LGR4: variants seen among roughly 807,000 people sequenced by gnomAD.
LGR4 encodes the protein leucine rich repeat containing G protein-coupled receptor 4.
Under a neutral mutation model 84.8 loss-of-function variants are expected in LGR4, and 44 were observed. The observed-to-expected ratio is 0.52, with a 90% CI of 0.41 to 0.67. The LOEUF (loss-of-function observed/expected upper bound fraction) is 0.67, where lower values mean the gene tolerates loss of function less well. LGR4 is among the 30% of genes least tolerant of loss of function. LGR4 has a pLI of 0.00. For missense variants in LGR4, 1,032 were observed against 1,131.4 expected (o/e 0.91, Z 1.26); for synonymous variants, 429 against 434.3 (o/e 0.99, Z 0.15).
chr11:27,373,428 A>G, intron 15 of LGR4, 123 bp downstream of exon 15: 1 of 920,570 alleles, frequency 1.1e-6, no homozygotes, highest in Non-Finnish European at 1.6e-6. Context: ...AGACTGACGT[A>G]GAAAACACCC....
At chr11:27,424,318 T>C (rs1340458149) in intron 1 of LGR4, among the ~76,000 whole-genome samples, 1 of 152,036 alleles carries the variant, frequency 6.6e-6, no homozygotes, top group Non-Finnish European at 1.5e-5. Context: ...GGAAGGAAGA[T>C]TGCTTGAGCC....
Position 27,380,654 on chromosome 11 carries a change from A to C in LGR4, c.888T>G (p.Ser296=). The stretch of plus-strand genomic sequence containing the variant: ...CACATACTTACAGGGAATGAAGATC[A>C]GATAAATTGTGAAATGCTGAGTTCC... The part of the protein sequence containing the change: ...FVGNSAFHNL[S]DLHSLVIRGA... The change falls in exon 9 of 18, where the codon TCT becomes TCG. Residue 296 remains serine (S), a synonymous_variant. Transcript: ENST00000379214. 3.2e-6 allele frequency: 5 copies of C among 1,580,756 alleles called. No homozygotes were observed. The highest frequency in any genetic ancestry group is 4.3e-6 in the Non-Finnish European group (5 of 1,151,418).
Position 27,368,877 on chromosome 11 carries a change from T to C in LGR4, c.1846A>G (p.Ser616Gly), listed in dbSNP as rs748467080. 15 of 1,614,078 alleles carry C rather than the reference T, an allele frequency of 9.3e-6. No homozygotes were observed. The highest frequency in any genetic ancestry group is 1.2e-5 in the Non-Finnish European group (14 of 1,180,046). ...AGAAACCCAGCTACTTTGCAGCCAC[T>C]GCCAGTTTCCCACCAAATGCCAAAT... ...AEFGIWWETG[S>G]GCKVAGFLAV... The change falls in exon 18 of 18, where the codon AGT becomes GGT. Residue 616 changes from serine to glycine, a missense_variant. Physicochemically the swap from Ser to Gly is moderately conservative, Grantham distance 56 (BLOSUM62 0). Transcript: ENST00000379214.
chr11:27,378,637 G>A, intron 11 of LGR4, 60 bp downstream of exon 11: 1 of 1,132,392 alleles, frequency 8.8e-7, no homozygotes, highest in East Asian at 2.4e-5. Flanking sequence ...AAATAAAATT[G>A]AACATGTGTG....
chr11:27,377,939 T>A (rs1565071422), intron 11 of LGR4, among the ~76,000 whole-genome samples: 1 of 152,170 alleles, frequency 6.6e-6, no homozygotes, highest in Non-Finnish European at 1.5e-5. Flanking sequence ...TATACAAATA[T>A]TTACTATTAT....
At chr11:27,419,481 A>G (rs983197720) in intron 1 of LGR4, among the ~76,000 whole-genome samples, 9 of 151,724 alleles carry the variant, frequency 5.9e-5, no homozygotes, top group African/African-American at 1.9e-4. Flanking sequence ...AAGATGGTAC[A>G]ACCACTTTGG....
Position 27,367,638 on chromosome 11 carries a change from T to C in LGR4, c.*229A>G, listed in dbSNP as rs1862792135. ...AGATCCTTTTCAAGTCATATATTTG[T>C]TTCAAACAGATCATACATTGCTTGG... On this transcript the variant is annotated 3_prime_UTR_variant, in exon 18 of 18. Transcript: ENST00000379214. The C allele has an allele frequency of 2.4e-6, 1 of 422,524 alleles. No homozygotes were observed. The allele number at this position is 422,524 out of a possible 1,614,324, so 26.2% of individuals were successfully genotyped here. A position where few individuals can be genotyped will look rare whatever the true frequency, so the allele number is the denominator to read the frequency against.
At chr11:27,457,359 C>G (rs1864592817) in intron 1 of LGR4, among the ~76,000 whole-genome samples, 1 of 152,182 alleles carries the variant, frequency 6.6e-6, no homozygotes, top group South Asian at 2.1e-4. Flanking sequence ...AGGGTAATTT[C>G]TACAGGAGTC....
At chr11:27,397,587 T>C (rs2169849) in intron 2 of LGR4, among the ~76,000 whole-genome samples, 63,603 of 152,080 alleles carry the variant, frequency 0.42, 14,040 homozygotes, top group African/African-American at 0.52. Context: ...CAACTTTTCT[T>C]ATTTCATTTC....
intron 16 of LGR4, 108 bp from the exon 17 acceptor site, chr11:27,371,806 G>A (rs1268005336): frequency 1.4e-6 from 1 of 740,446 alleles, no homozygotes; most frequent in Non-Finnish European, 2.2e-6. Flanking sequence ...CCTTATAGAA[G>A]GTTCAATAAC....
rs191696255 is a variant in LGR4, at chr11:27,413,083, T to C, written c.186-223A>G. 9.5e-4 allele frequency among the ~76,000 whole-genome samples: 145 copies of C among 152,284 alleles called. 2 individuals are homozygous for C. The highest frequency in any genetic ancestry group is 7.4e-5 in the Non-Finnish European group (5 of 68,010). ...ATAATTTAGAAATGTACTCAGATCC[T>C]GTATTTTCCCCTCTTAAGTATCCTT... On this transcript the variant is annotated intron_variant, in intron 1 of 17. Transcript: ENST00000379214.
chr11:27,405,868 C>G (rs547575818), intron 2 of LGR4, among the ~76,000 whole-genome samples: 1 of 152,122 alleles, frequency 6.6e-6, no homozygotes, highest in African/African-American at 2.4e-5. Flanking sequence ...CTCTCAATTT[C>G]AAACTCTCTG....
intron 3 of LGR4, among the ~76,000 whole-genome samples, chr11:27,392,079 T>G (rs1166571908): frequency 2.6e-5 from 4 of 152,184 alleles, no homozygotes. Flanking sequence ...GGAGCACTTG[T>G]AAGCCTTTTT....
intron 17 of LGR4, among the ~76,000 whole-genome samples, chr11:27,371,014 A>C (rs1862873208): frequency 6.6e-6 from 1 of 152,206 alleles, no homozygotes; most frequent in South Asian, 2.1e-4. Flanking sequence ...TGAATCCATA[A>C]TACTTATAAT....
chr11:27,410,051 G>C (rs916683546), intron 2 of LGR4, among the ~76,000 whole-genome samples: 1 of 152,144 alleles, frequency 6.6e-6, no homozygotes, highest in African/African-American at 2.4e-5. Flanking sequence ...GCAGCTATAT[G>C]AGCACGTGAA....
At chr11:27,444,614 T>A (rs1277821833) in intron 1 of LGR4, among the ~76,000 whole-genome samples, 1 of 151,918 alleles carries the variant, frequency 6.6e-6, no homozygotes, top group African/African-American at 2.4e-5. Flanking sequence ...TCTTTTTCTA[T>A]CTTGGCCTTT....
intron 1 of LGR4, among the ~76,000 whole-genome samples, chr11:27,421,006 A>AT (rs1863915303): frequency 6.6e-6 from 1 of 151,846 alleles, no homozygotes; most frequent in Non-Finnish European, 1.5e-5. Flanking sequence ...AGGCCTTCAT[A>AT]TGTGACCTTT....
intron 1 of LGR4, among the ~76,000 whole-genome samples, chr11:27,467,326 G>A (rs1324797675): frequency 6.6e-6 from 1 of 152,010 alleles, no homozygotes. Flanking sequence ...CCAGCACTTT[G>A]GGAGGCCGAG....
intron 11 of LGR4, among the ~76,000 whole-genome samples, chr11:27,377,637 C>T (rs1487311436): frequency 6.6e-6 from 1 of 151,642 alleles, no homozygotes. Context: ...TTGTTTATCC[C>T]ATAAATAACT....
Sources: gnomAD v4.1 joint callset for allele counts (sites outside exome capture counted in the v4.1 genomes callset) on GRCh38, gnomAD v4.1.1 for gene constraint, MANE v1.5 for transcripts, NCBI Gene and HGNC (gene_info 2026-07-23, HGNC 2026-07-21) for gene names.